SBF1: variants seen among roughly 807,000 people sequenced by gnomAD.
SBF1 encodes the protein myotubularin-related protein 5.
SBF1 carries 65 observed loss-of-function variants against 215.8 expected under a neutral mutation model. The observed-to-expected ratio is 0.30, with a 90% CI of 0.25 to 0.37. SBF1 has a LOEUF of 0.37. Ranked by LOEUF, SBF1 falls within the 10% of genes least tolerant of loss-of-function variation. SBF1 has a pLI of 1.00. For missense variants in SBF1, 2,634 were observed against 2,667.8 expected (o/e 0.99, Z 0.28); for synonymous variants, 1,410 against 1,122.8 (o/e 1.26, Z -5.11).
rs372667510 is a variant in SBF1 at position 50,460,712 on chromosome 22, G to A, written c.2968C>T (p.Leu990=). 40 of 1,612,296 alleles carry A rather than the reference G, an allele frequency of 2.5e-5. No homozygotes were observed. The highest frequency in any genetic ancestry group is 4.0e-5 in the African/African-American group (3 of 74,924). Residue 990 remains leucine, a splice_region_variant and synonymous_variant, in exon 24 of 41, where the codon CTG becomes TTG. Transcript: ENST00000380817. ...TCCTCGTCAAAGGCCATTTTCAGCA[G>A]CTGTGTCAGTAAAAGCAGCCCTTAG... is the stretch of plus-strand genomic sequence containing the variant. ...GLQLRSCTFQ[L]LKMAFDEEVG... is the part of the protein sequence containing the mutation.
intron 1 of SBF1, among the ~76,000 whole-genome samples, chr22:50,473,951 T>C (rs895541916): frequency 1.3e-5 from 2 of 152,220 alleles, no homozygotes; most frequent in African/African-American, 4.8e-5. Context: ...GGTGAGATCA[T>C]GTACACAAAG....
chr22:50,466,127 T>C lies in SBF1; in HGVS notation c.897+23A>G, dbSNP rs776082365. ...GGACCTGCAGGCCTGGGCCGTGAGG[T>C]GGACACAAAGCACAGCCCTTACCAG... On this transcript the variant is annotated intron_variant, in intron 8 of 40. Coordinates refer to ENST00000380817, the MANE Select transcript of SBF1 (RefSeq NM_002972.4). 26 of 1,613,042 alleles carry C rather than the reference T, an allele frequency of 1.6e-5. No individual in the cohort carries two copies. In the Admixed American group the frequency reaches 4.3e-4, roughly 27 times the overall value.
rs773556750 is a variant in SBF1 at position 50,467,802 on chromosome 22, G to A, written c.263C>T (p.Pro88Leu). The part of the protein sequence containing the change: ...HYCACLTFWE[P>L]AEPSQETTRV... ...CAAGCTGACCTGTGAAGGCTCCGCT[G>A]GCTCCCAGAAGGTCAAGCAGGCGCA... is the stretch of plus-strand genomic sequence containing the variant. Residue 88 changes from proline (P) to leucine (L), a missense_variant, in exon 3 of 41, where the codon CCA becomes CTA. By Grantham distance (98) the Pro-to-Leu change is moderately conservative. Transcript: ENST00000380817. The A allele has an allele frequency of 4.9e-5, 79 of 1,613,856 alleles. No individual in the cohort carries two copies. The highest frequency in any genetic ancestry group is 6.5e-5 in the Non-Finnish European group (77 of 1,179,982).
chr22:50,454,646 C>T lies in SBF1; in HGVS notation c.4909G>A (p.Ala1637Thr). 6.3e-7 allele frequency: 1 copy of T among 1,594,362 alleles called. No homozygotes were observed. The change falls in exon 36 of 41, where the codon GCC (alanine) becomes ACC (threonine). Residue 1637 changes from alanine to threonine, a missense_variant. Physicochemically the swap from Ala to Thr is moderately conservative, Grantham distance 58. Transcript: ENST00000380817. Reference sequence around the variant, plus strand: ...TCTGGGGGTTCAGGGGGCCCCTGGGCCAGTTCCCAGTCATAGGGAGGGCCC... The same window carrying T: ...TCTGGGGGTTCAGGGGGCCCCTGGGTCAGTTCCCAGTCATAGGGAGGGCCC... ...AEGPPYDWEL[A>T]QGPPEPPEEE...
At position 50,467,419 on chromosome 22, in the gene SBF1, G is replaced by A. The variant is rs781517999; in HGVS notation, c.468C>T (p.His156=). 1.8e-5 allele frequency: 29 copies of A among 1,614,056 alleles called. No individual in the cohort carries two copies. Among genetic ancestry groups the A allele is most frequent in the African/African-American group, 1.5e-4 (11 of 74,946 alleles). ...CCAGGCACACATTCAGGCCCTCCAC[G>A]TGGATGGCATAGATGAGGCCAAGGC... ...RNSLGLIYAI[H]VEGLNVCLEN... The change falls in exon 5 of 41, where the codon CAC becomes CAT. Residue 156 remains histidine (H), a synonymous_variant. Transcript: ENST00000380817.
chr22:50,449,383 G>A (rs1007619490), intron 36 of SBF1, among the ~76,000 whole-genome samples: 10 of 152,078 alleles, frequency 6.6e-5, no homozygotes, highest in African/African-American at 2.4e-4. Context: ...TTGGGTGGCC[G>A]AGGCGGGTGG....
chr22:50,464,784 C>A, intron 13 of SBF1, 35 bp downstream of exon 13: 1 of 1,611,924 alleles, frequency 6.2e-7, no homozygotes, highest in Non-Finnish European at 8.5e-7. Flanking sequence ...GGGATCAAGG[C>A]GGTACGACGC....
chr22:50,461,514 C>T lies in SBF1; in HGVS notation c.2839+9G>A. ...GGGGGCGACAGGGCCAGAGAGTCTGCAGGCTCACCCAGGGGGTCCGTGGGC... is the reference window on the plus strand; with the variant it reads ...GGGGGCGACAGGGCCAGAGAGTCTGTAGGCTCACCCAGGGGGTCCGTGGGC... On this transcript the variant is annotated intron_variant, in intron 22 of 40. Coordinates refer to ENST00000380817, the MANE Select transcript of SBF1 (RefSeq NM_002972.4). The T allele has an allele frequency of 1.3e-6, 2 of 1,588,232 alleles. No individual in the cohort carries two copies. The highest frequency in any genetic ancestry group is 1.7e-5 in the Admixed American group (1 of 59,040).
chr22:50,462,184 AAC>A lies in SBF1; in HGVS notation c.2396+19_2396+20del. 6.2e-7 allele frequency: 1 copy of A among 1,606,788 alleles called. No homozygotes were observed. Among genetic ancestry groups the A allele is most frequent in the East Asian group, 2.2e-5 (1 of 44,866 alleles). ...CCACGGCCCCGCCTCCACTGGGCCC[AAC>A]CCCCAGTCCCTGCCTCACCTGTTGG... On this transcript the variant is annotated intron_variant, in intron 19 of 40. Transcript: ENST00000380817.
chr22:50,457,492 G>T (rs541024243), intron 28 of SBF1: 1 of 216,396 alleles, frequency 4.6e-6, no homozygotes, highest in Non-Finnish European at 9.1e-6. Context: ...AGCTCAGAAC[G>T]CTCCACACAT....
At chr22:50,469,620 C>T (rs1327690871) in intron 1 of SBF1, among the ~76,000 whole-genome samples, 2 of 152,190 alleles carry the variant, frequency 1.3e-5, no homozygotes, top group African/African-American at 4.8e-5. Flanking sequence ...CCACACAAAC[C>T]GCAGGTCCCC....
chr22:50,461,577 C>A lies in SBF1; in HGVS notation c.2785G>T (p.Val929Phe). 6.2e-7 allele frequency: 1 copy of A among 1,611,694 alleles called. No homozygotes were observed. The highest frequency in any genetic ancestry group is 8.5e-7 in the Non-Finnish European group (1 of 1,179,314). Residue 929 changes from valine to phenylalanine, a missense_variant, in exon 22 of 41, where the codon GTC becomes TTC. Val to Phe is a conservative substitution (Grantham distance 50). Coordinates refer to ENST00000380817, the MANE Select transcript of SBF1 (RefSeq NM_002972.4). The stretch of plus-strand genomic sequence containing the variant: ...ATGACCCGGTACGTGGTGAGGAAGA[C>A]GGCGCCCTCAGCTGGGAGCAATGCT... Reference protein sequence around the residue: ...GPALLPAEGAVFLTTYRVIFT... With the variant: ...GPALLPAEGAFFLTTYRVIFT...
At position 50,468,412 on chromosome 22, in the gene SBF1, G is replaced by A; in HGVS notation, c.105C>T (p.Asp35=). 1.2e-6 allele frequency: 2 copies of A among 1,612,928 alleles called. No individual in the cohort carries two copies. Among genetic ancestry groups the A allele is most frequent in the East Asian group, 2.2e-5 (1 of 44,814 alleles). ...GQILQRFPEK[D]WEDNPFPQGI... ...CCTGGGGGAATGGGTTGTCCTCCCA[G>A]TCCTTCTCTGGGAAGCGCTGCAGAA... Residue 35 remains aspartate (D), a synonymous_variant, in exon 2 of 41, where the codon GAC becomes GAT. Coordinates refer to ENST00000380817, the MANE Select transcript of SBF1 (RefSeq NM_002972.4).
chr22:50,467,040 C>A, intron 5 of SBF1: 6 of 578,182 alleles, frequency 1.0e-5, no homozygotes, highest in Non-Finnish European at 1.8e-5. Flanking sequence ...CGGTTAGACA[C>A]TCCAACACAC....
chr22:50,454,480 C>T (rs1472030294), intron 36 of SBF1, 32 bp downstream of exon 36: 2 of 1,578,784 alleles, frequency 1.3e-6, no homozygotes, highest in Admixed American at 1.7e-5. Context: ...AGGGGGGTGC[C>T]AGGCCAGACC....
Position 50,446,952 on chromosome 22 carries a change from G to C in SBF1, c.*190C>G. 5.6e-6 allele frequency: 4 copies of C among 709,522 alleles called. No homozygotes were observed. Among genetic ancestry groups the C allele is most frequent in the Non-Finnish European group, 1.0e-5 (4 of 392,740 alleles). The allele number at this position is 709,522 out of a possible 1,614,324, so 44.0% of individuals were successfully genotyped here. A position where few individuals can be genotyped will look rare whatever the true frequency, so the allele number is the denominator to read the frequency against. On this transcript the variant is annotated 3_prime_UTR_variant, in exon 41 of 41. Transcript: ENST00000380817. ...CCACCTCCCGGCACGGTGCTCAGCT[G>C]TGACGCCAAAATAAGTTAGGGCCGG...
intron 31 of SBF1, 97 bp downstream of exon 31, chr22:50,456,119 C>T: frequency 1.5e-6 from 2 of 1,315,704 alleles, no homozygotes; most frequent in South Asian, 1.4e-5. Flanking sequence ...CAGCGCTCCA[C>T]ACTGTCAGAC....
intron 15 of SBF1, among the ~76,000 whole-genome samples, chr22:50,464,073 G>A (rs887525271): frequency 2.0e-5 from 3 of 152,236 alleles, no homozygotes; most frequent in Non-Finnish European, 4.4e-5. Flanking sequence ...AAACATAATA[G>A]TGAAACCTTC....
chr22:50,464,611 G>A lies in SBF1; in HGVS notation c.1559C>T (p.Ala520Val). The change falls in exon 14 of 41, where the codon GCT becomes GTT. Residue 520 changes from alanine to valine, a missense_variant. Transcript: ENST00000380817. ...GGGTGCACCCTGCATCTTGGCTGCA[G>A]CCTGGTCCACGATCCACTGCACGGT... Reference protein sequence around the residue: ...EGTVQWIVDQAAAKMQGAPPA... With the variant: ...EGTVQWIVDQVAAKMQGAPPA... The A allele has an allele frequency of 6.2e-7, 1 of 1,611,444 alleles. No homozygotes were observed. Among genetic ancestry groups the A allele is most frequent in the South Asian group, 1.1e-5 (1 of 90,972 alleles).
Sources: allele counts gnomAD v4.1 joint callset (sites outside exome capture counted in the v4.1 genomes callset), GRCh38; gene constraint gnomAD v4.1.1; transcripts MANE v1.5; gene names NCBI Gene and HGNC (gene_info 2026-07-23, HGNC 2026-07-21).